The following ZDHHC14 variants were observed in gnomAD, a reference collection of about 807,000 sequenced individuals.
ZDHHC14 encodes the protein palmitoyltransferase ZDHHC14.
Under a neutral mutation model 47.7 loss-of-function variants are expected in ZDHHC14, and 16 were observed. That is an observed-to-expected ratio of 0.34 (90% CI 0.23 to 0.51). The LOEUF (loss-of-function observed/expected upper bound fraction) is 0.51. Ranked by LOEUF, ZDHHC14 falls within the 20% of genes least tolerant of loss-of-function variation. The probability of loss-of-function intolerance (pLI) is 0.97; values close to 1 mark genes in which losing one functional copy is unlikely to be tolerated. For missense variants in ZDHHC14, 515 were observed against 662.5 expected (o/e 0.78, Z 2.44); for synonymous variants, 293 against 278.9 (o/e 1.05, Z -0.50).
intron 1 of ZDHHC14, among the ~76,000 whole-genome samples, chr6:157,536,803 C>G (rs979182583): frequency 6.7e-6 from 1 of 148,938 alleles, no homozygotes; most frequent in African/African-American, 2.6e-5. Context: ...GTCTGTCTAT[C>G]TATCCCTCCA....
At chr6:157,562,344 C>A (rs16900286) in intron 2 of ZDHHC14, among the ~76,000 whole-genome samples, 9 of 152,104 alleles carry the variant, frequency 5.9e-5, no homozygotes, top group Non-Finnish European at 1.2e-4. Context: ...TCAGAGAAGG[C>A]GCTGCAGAAG....
intron 2 of ZDHHC14, among the ~76,000 whole-genome samples, chr6:157,568,108 AT>A (rs1197291328): frequency 4.6e-5 from 7 of 152,148 alleles, no homozygotes; most frequent in Non-Finnish European, 7.3e-5. Context: ...ATGAACTTGC[AT>A]TTTTTTCCAA....
chr6:157,390,641 G>A (rs776487882), intron 1 of ZDHHC14, among the ~76,000 whole-genome samples: 4 of 151,984 alleles, frequency 2.6e-5, no homozygotes, highest in Admixed American at 6.5e-5. Context: ...TTGTCTTCAA[G>A]TTAATATTTC....
chr6:157,613,710 A>G (rs565203446), intron 3 of ZDHHC14, among the ~76,000 whole-genome samples: 3 of 152,304 alleles, frequency 2.0e-5, no homozygotes, highest in African/African-American at 7.2e-5. Context: ...ATCATCTGAA[A>G]TAAGTTATTT....
chr6:157,388,875 C>G (rs569560385), intron 1 of ZDHHC14, among the ~76,000 whole-genome samples: 1 of 152,294 alleles, frequency 6.6e-6, no homozygotes, highest in East Asian at 1.9e-4. Context: ...TCTCTCTTGG[C>G]CCAGTCTCAT....
intron 1 of ZDHHC14, among the ~76,000 whole-genome samples, chr6:157,462,724 C>A (rs1779119942): frequency 6.6e-6 from 1 of 152,218 alleles, no homozygotes; most frequent in African/African-American, 2.4e-5. Flanking sequence ...CGGCTCCTCA[C>A]AAAGTGGGAA....
At chr6:157,444,675 CAAAA>C (rs34402178) in intron 1 of ZDHHC14, among the ~76,000 whole-genome samples, 1 of 118,242 alleles carries the variant, frequency 8.5e-6, no homozygotes, top group African/African-American at 3.2e-5. Flanking sequence ...GAGACTCCGT[CAAAA>C]AAAAAAAAAA....
Position 157,427,618 on chromosome 6 carries a change from T to C in ZDHHC14, c.245+45352T>C, listed in dbSNP as rs1192984721. On this transcript the variant is annotated intron_variant, in intron 1 of 8. Coordinates refer to ENST00000359775, the MANE Select transcript of ZDHHC14 (RefSeq NM_024630.3). The surrounding 1 kb of genome is among the most constrained non-coding windows in gnomAD (Gnocchi z 4.4). ...CACGGGGTCCAGGCTGGCAGAGATA[T>C]GAGAGGAGAACAGAGGGGCCCGCAG... Among the ~76,000 whole-genome samples, 3 of 151,918 alleles carry C rather than the reference T, an allele frequency of 2.0e-5. No homozygotes were observed. Among genetic ancestry groups the C allele is most frequent in the Non-Finnish European group, 2.9e-5 (2 of 67,976 alleles).
At position 157,381,987 on chromosome 6, in the gene ZDHHC14, T is replaced by TG. The variant is rs1777221038; in HGVS notation, c.-30dup. The TG allele has an allele frequency of 7.8e-7, 1 of 1,280,468 alleles. No individual in the cohort carries two copies. The highest frequency in any genetic ancestry group is 1.6e-5 in the African/African-American group (1 of 62,366). 79.3% of individuals were successfully genotyped at this position (1,280,468 alleles called of 1,614,324 possible). On this transcript the variant is annotated 5_prime_UTR_variant, in exon 1 of 9. Transcript: ENST00000359775. ...GGGGCCCGCGCGGCCGGGGGGCTCC[T>TG]GGGGGTGTGCGCCCCCAGCCGGCTG... is the stretch of plus-strand genomic sequence containing the variant.
At chr6:157,672,703 C>T in intron 8 of ZDHHC14, 21 bp from the exon 9 acceptor site, 1 of 1,350,502 alleles carries the variant, frequency 7.4e-7, no homozygotes, top group East Asian at 4.9e-5. Context: ...CTTCTCTTTG[C>T]TGGCGCCTCC....
chr6:157,513,498 C>G (rs867623656), intron 1 of ZDHHC14, among the ~76,000 whole-genome samples: 10 of 152,264 alleles, frequency 6.6e-5, no homozygotes, highest in African/African-American at 2.4e-4. Context: ...GATTGCACCC[C>G]GAGCTCCATC....
chr6:157,552,957 C>T (rs1782300653), intron 2 of ZDHHC14, among the ~76,000 whole-genome samples: 1 of 152,210 alleles, frequency 6.6e-6, no homozygotes, highest in African/African-American at 2.4e-5. Context: ...TTTGTTAAAA[C>T]ATGAAGGCAG....
intron 1 of ZDHHC14, among the ~76,000 whole-genome samples, chr6:157,515,457 C>CTTTTTTT (rs1187323622): frequency 1.1e-3 from 146 of 129,426 alleles, no homozygotes; most frequent in Middle Eastern, 4.5e-3. Flanking sequence ...TTTTCTTTTT[C>CTTTTTTT]TTTTTTTTTT....
At chr6:157,644,180 C>A (rs545982677) in intron 5 of ZDHHC14, among the ~76,000 whole-genome samples, 3 of 152,326 alleles carry the variant, frequency 2.0e-5, no homozygotes, top group Middle Eastern at 3.4e-3. Context: ...CTCTTCTTTC[C>A]AGCCAGTGCA....
intron 1 of ZDHHC14, among the ~76,000 whole-genome samples, chr6:157,453,297 C>G (rs142681754): frequency 6.6e-6 from 1 of 152,234 alleles, no homozygotes; most frequent in East Asian, 1.9e-4. Context: ...TTATCAAATT[C>G]GAATGACAGG....
intron 1 of ZDHHC14, among the ~76,000 whole-genome samples, chr6:157,436,947 G>C (rs1778452121): frequency 6.6e-6 from 1 of 152,094 alleles, no homozygotes; most frequent in East Asian, 1.9e-4. Context: ...AGTGGAAGGT[G>C]GTGGGGATTG....
chr6:157,570,188 C>T (rs987463072), intron 2 of ZDHHC14, among the ~76,000 whole-genome samples: 1 of 152,184 alleles, frequency 6.6e-6, no homozygotes, highest in African/African-American at 2.4e-5. Flanking sequence ...TTTGCTAATG[C>T]TCTCAATATT....
At chr6:157,534,560 TTTCATTTCATTTCA>T (rs1781474629) in intron 1 of ZDHHC14, among the ~76,000 whole-genome samples, 1 of 105,434 alleles carries the variant, frequency 9.5e-6, no homozygotes, top group African/African-American at 6.5e-5. Context: ...TTTCATTTCA[TTTCATTTCATTTCA>T]TTTCATTTCA....
intron 1 of ZDHHC14, among the ~76,000 whole-genome samples, chr6:157,398,039 TCCCCAGCTCCCCAGCC>T (rs898826209): frequency 7.8e-6 from 1 of 127,494 alleles, no homozygotes; most frequent in Non-Finnish European, 1.7e-5. Flanking sequence ...GCCCCCCAGC[TCCCCAGCTCCCCAGCC>T]CCCCAGCTCC....
Sources: allele counts gnomAD v4.1 joint callset (sites outside exome capture counted in the v4.1 genomes callset), GRCh38; gene constraint gnomAD v4.1.1; non-coding constraint Gnocchi (gnomAD v3.1); transcripts MANE v1.5; gene names NCBI Gene and HGNC (gene_info 2026-07-23, HGNC 2026-07-21).